The following VWC2L variants were observed in gnomAD, a reference collection of about 807,000 sequenced individuals.
VWC2L encodes von Willebrand factor C domain containing 2 like.
Under a neutral mutation model 21.6 loss-of-function variants are expected in VWC2L, and 10 were observed. The observed-to-expected ratio is 0.46, with a 90% CI of 0.29 to 0.78. The LOEUF is 0.78. Ranked by LOEUF, VWC2L falls within the 30% of genes least tolerant of loss-of-function variation. The pLI is 0.10. For missense variants in VWC2L, 209 were observed against 277.1 expected (o/e 0.75, Z 1.74); for synonymous variants, 96 against 94.3 (o/e 1.02, Z -0.10).
intron 3 of VWC2L, among the ~76,000 whole-genome samples, chr2:214,505,661 G>A (rs544245387): frequency 6.6e-6 from 1 of 152,174 alleles, no homozygotes; most frequent in African/African-American, 2.4e-5. Flanking sequence ...CAGAAAATGT[G>A]GCTAAGAAAA....
intron 3 of VWC2L, among the ~76,000 whole-genome samples, chr2:214,448,369 A>G (rs1486179431): frequency 6.6e-6 from 1 of 152,190 alleles, no homozygotes; most frequent in Non-Finnish European, 1.5e-5. Context: ...TTTGAAATGT[A>G]TGTTTTCTAT....
At chr2:214,548,349 T>C (rs1689742324) in intron 3 of VWC2L, among the ~76,000 whole-genome samples, 1 of 152,218 alleles carries the variant, frequency 6.6e-6, no homozygotes, top group South Asian at 2.1e-4. Context: ...AGGATCTGCG[T>C]GGGCATTTAA....
At chr2:214,513,996 T>G (rs1254407517) in intron 3 of VWC2L, among the ~76,000 whole-genome samples, 3 of 152,114 alleles carry the variant, frequency 2.0e-5, no homozygotes, top group Non-Finnish European at 4.4e-5. Flanking sequence ...CAGCAGGATG[T>G]TGATGGAGCA....
intron 3 of VWC2L, among the ~76,000 whole-genome samples, chr2:214,517,035 GT>G (rs2105908997): frequency 6.6e-6 from 1 of 152,254 alleles, no homozygotes; most frequent in African/African-American, 2.4e-5. Flanking sequence ...CATCATCAAT[GT>G]TTTTGTTCTC....
intron 3 of VWC2L, among the ~76,000 whole-genome samples, chr2:214,554,480 A>G (rs542659597): frequency 1.1e-4 from 16 of 152,186 alleles, no homozygotes; most frequent in African/African-American, 3.4e-4. Flanking sequence ...CCTGAATAAC[A>G]TGGAGAAACC....
intron 3 of VWC2L, among the ~76,000 whole-genome samples, chr2:214,457,686 A>C (rs986172256): frequency 3.3e-5 from 5 of 152,140 alleles, no homozygotes; most frequent in African/African-American, 1.2e-4. Flanking sequence ...TTTATCATGA[A>C]TGGATGTTGA....
At chr2:214,458,012 G>GT (rs1312457769) in intron 3 of VWC2L, among the ~76,000 whole-genome samples, 3 of 152,028 alleles carry the variant, frequency 2.0e-5, no homozygotes, top group South Asian at 2.1e-4. Flanking sequence ...CTCCTCTTCC[G>GT]TTTTTTTGAA....
intron 3 of VWC2L, among the ~76,000 whole-genome samples, chr2:214,537,901 C>CTTTTT (rs35664504): frequency 7.4e-5 from 10 of 135,666 alleles, no homozygotes; most frequent in South Asian, 2.3e-4. Context: ...GGATAGTGGC[C>CTTTTT]TTTTTTTTTT....
chr2:214,438,325 G>A (rs956691073), intron 3 of VWC2L, among the ~76,000 whole-genome samples: 4 of 151,682 alleles, frequency 2.6e-5, no homozygotes, highest in Non-Finnish European at 4.4e-5. Flanking sequence ...ATAAAAGGAA[G>A]AAAAACTCAA....
chr2:214,476,187 T>G (rs1688515241), intron 3 of VWC2L, among the ~76,000 whole-genome samples: 1 of 152,114 alleles, frequency 6.6e-6, no homozygotes, highest in Non-Finnish European at 1.5e-5. Context: ...GTACCATCTT[T>G]CTAGAGTTAA....
chr2:214,521,967 T>C (rs1235463498), intron 3 of VWC2L, among the ~76,000 whole-genome samples: 4 of 152,226 alleles, frequency 2.6e-5, no homozygotes, highest in Non-Finnish European at 5.9e-5. Context: ...TTTGAGAACA[T>C]AGCAGGCAGG....
At chr2:214,530,941 A>G (rs1420957961) in intron 3 of VWC2L, among the ~76,000 whole-genome samples, 2 of 152,210 alleles carry the variant, frequency 1.3e-5, no homozygotes, top group Non-Finnish European at 2.9e-5. Context: ...TAGGATGAAT[A>G]GGTGAAAACA....
chr2:214,547,698 G>C lies in VWC2L; in HGVS notation c.521-27974G>C, dbSNP rs141610927. Among the ~76,000 whole-genome samples, 14 of 152,274 alleles carry C rather than the reference G, an allele frequency of 9.2e-5. No individual in the cohort carries two copies. The East Asian group carries it at 2.5e-3, about 27-fold the overall frequency. On this transcript the variant is annotated intron_variant, in intron 3 of 3. Transcript: ENST00000312504. The stretch of plus-strand genomic sequence containing the variant: ...AGGATTCAATAATTGAAGGGTTTTA[G>C]GTACTTGCAATGTAATAGACACATG...
intron 3 of VWC2L, among the ~76,000 whole-genome samples, chr2:214,525,682 C>G (rs996653971): frequency 3.3e-4 from 50 of 152,294 alleles, no homozygotes; most frequent in African/African-American, 1.2e-3. Flanking sequence ...TTGAATCTGG[C>G]TGCAGAAGAT....
chr2:214,484,529 AC>A (rs1239642180), intron 3 of VWC2L, among the ~76,000 whole-genome samples: 1 of 152,050 alleles, frequency 6.6e-6, no homozygotes, highest in African/African-American at 2.4e-5. Flanking sequence ...TACACTTACC[AC>A]CCAGCTGGCT....
At chr2:214,507,431 A>G (rs1177152925) in intron 3 of VWC2L, among the ~76,000 whole-genome samples, 1 of 152,224 alleles carries the variant, frequency 6.6e-6, no homozygotes, top group Non-Finnish European at 1.5e-5. Flanking sequence ...TCATTTTCAC[A>G]TATATTACCA....
intron 3 of VWC2L, among the ~76,000 whole-genome samples, chr2:214,474,155 G>GA (rs1015487290): frequency 5.3e-5 from 8 of 150,004 alleles, no homozygotes; most frequent in Non-Finnish European, 7.4e-5. Context: ...CTGCAGCATT[G>GA]AAAAAAAAAG....
At chr2:214,504,583 G>A (rs1559311008) in intron 3 of VWC2L, among the ~76,000 whole-genome samples, 2 of 152,162 alleles carry the variant, frequency 1.3e-5, no homozygotes, top group African/African-American at 2.4e-5. Flanking sequence ...GATTTGTTAG[G>A]GGGCAGGGTC....
At chr2:214,542,857 C>G (rs1689649284) in intron 3 of VWC2L, among the ~76,000 whole-genome samples, 1 of 152,114 alleles carries the variant, frequency 6.6e-6, no homozygotes, top group Non-Finnish European at 1.5e-5. Context: ...AACTTGTGCA[C>G]AGTTTAGAAA....
Sources: allele counts gnomAD v4.1 joint callset (sites outside exome capture counted in the v4.1 genomes callset), GRCh38; gene constraint gnomAD v4.1.1; transcripts MANE v1.5; gene names NCBI Gene and HGNC (gene_info 2026-07-23, HGNC 2026-07-21).